BAG2: variants seen among roughly 807,000 people sequenced by gnomAD.
BAG2 encodes the protein BAG cochaperone 2, also known as BAG family molecular chaperone regulator 2.
Under a neutral mutation model 16.4 loss-of-function variants are expected in BAG2, and 8 were observed. That is an observed-to-expected ratio of 0.49 (90% CI 0.29 to 0.88). The LOEUF is 0.88. Among genes scored for constraint, BAG2 ranks in the 40% least tolerant of loss-of-function variants. The probability of loss-of-function intolerance (pLI) is 0.09; values close to 1 mark genes in which losing one functional copy is unlikely to be tolerated. For synonymous variants in BAG2, 82 were observed against 89.2 expected (o/e 0.92, Z 0.46); for missense variants, 218 against 248.9 (o/e 0.88, Z 0.84).
intron 1 of BAG2, among the ~76,000 whole-genome samples, chr6:57,176,022 T>C (rs954102250): frequency 1.3e-5 from 2 of 152,088 alleles, no homozygotes; most frequent in African/African-American, 4.8e-5. Context: ...TAGGGAGTGT[T>C]GGAACTGAGT....
chr6:57,184,475 AACGT>A lies in BAG2; in HGVS notation c.*286_*289del, dbSNP rs1200193697. 2 of 215,062 alleles carry A rather than the reference AACGT, an allele frequency of 9.3e-6. No homozygotes were observed. Among genetic ancestry groups the A allele is most frequent in the Non-Finnish European group, 1.8e-5 (2 of 109,692 alleles). 13.3% of individuals were successfully genotyped at this position (215,062 alleles called of 1,614,324 possible). A position where few individuals can be genotyped will look rare whatever the true frequency, so the allele number is the denominator to read the frequency against. ...GAATACATAGTTTGTGGGGAAAACA[AACGT>A]TCAGCTAGGGGCAAAAAGCATGACT... On this transcript the variant is annotated 3_prime_UTR_variant, in exon 3 of 3. Transcript: ENST00000370693.
At chr6:57,176,482 G>A (rs1307269989) in intron 1 of BAG2, among the ~76,000 whole-genome samples, 1 of 152,162 alleles carries the variant, frequency 6.6e-6, no homozygotes, top group East Asian at 1.9e-4. Flanking sequence ...GTTAGGTATT[G>A]GGTAGCTCCT....
chr6:57,174,026 C>T (rs1388718135), intron 1 of BAG2: 1 of 196,450 alleles, frequency 5.1e-6, no homozygotes, highest in East Asian at 1.3e-4. Flanking sequence ...AGCCCTACAC[C>T]AGGTTCTGGG....
Position 57,189,541 on chromosome 6 carries a change from G to C in BAG2, c.*5351G>C, listed in dbSNP as rs530900959. The C allele has an allele frequency of 1.3e-4, 20 of 152,400 alleles. No homozygotes were observed. In the East Asian group the frequency reaches 3.7e-3, roughly 28 times the overall value. 9.4% of individuals were successfully genotyped at this position (152,400 alleles called of 1,614,324 possible). On this transcript the variant is annotated 3_prime_UTR_variant, in exon 3 of 3. Transcript: ENST00000370693. ...CTTAAGGGGCTTTGGCTGACCTTATGAGAGCAGGAGCTCACCATGCTTATG... is the reference window on the plus strand; with the variant it reads ...CTTAAGGGGCTTTGGCTGACCTTATCAGAGCAGGAGCTCACCATGCTTATG...
rs771967001 is a variant in BAG2, at chr6:57,172,759, T to A, written c.62T>A (p.Met21Lys). The stretch of plus-strand genomic sequence containing the variant: ...GGGCGCTTCTGCCGCTCCTCCTCCA[T>A]GGCTGACCGCTCCAGCCGCCTGCTG... ...NEGRFCRSSS[M>K]ADRSSRLLES... Residue 21 changes from methionine to lysine, a missense_variant, in exon 1 of 3, where the codon ATG becomes AAG. Met to Lys is a moderately conservative substitution (Grantham distance 95). This residue lies in a region of BAG2 where 75 missense variants were observed against 63.1 expected (regional missense o/e 1.19). Coordinates refer to ENST00000370693, the MANE Select transcript of BAG2 (RefSeq NM_004282.4). 1 of 1,581,986 alleles carries A rather than the reference T, an allele frequency of 6.3e-7. No homozygotes were observed. The highest frequency in any genetic ancestry group is 1.2e-5 in the South Asian group (1 of 86,234).
chr6:57,180,292 G>GT (rs1764400984), intron 1 of BAG2, among the ~76,000 whole-genome samples: 1 of 152,078 alleles, frequency 6.6e-6, no homozygotes, highest in African/African-American at 2.4e-5. Flanking sequence ...AATTTCTCTT[G>GT]TTTTTTGAGA....
At position 57,189,202 on chromosome 6, in the gene BAG2, A is replaced by AAAT. The variant is rs1314371560; in HGVS notation, c.*5013_*5015dup. On this transcript the variant is annotated 3_prime_UTR_variant, in exon 3 of 3. Transcript: ENST00000370693. ...TACATATTAAATCATTTTGTAAAAG[A>AAAT]AATGATTCTGTATGTGGGACTGACA... The AAAT allele has an allele frequency of 6.6e-6, 1 of 151,486 alleles. No homozygotes were observed. The highest frequency in any genetic ancestry group is 2.5e-5 in the African/African-American group (1 of 40,764). The allele number at this position is 151,486 out of a possible 1,614,324, so 9.4% of individuals were successfully genotyped here. A position where few individuals can be genotyped will look rare whatever the true frequency, so the allele number is the denominator to read the frequency against.
chr6:57,182,259 A>G (rs1388134316), intron 2 of BAG2, 118 bp downstream of exon 2: 2 of 704,810 alleles, frequency 2.8e-6, no homozygotes, highest in African/African-American at 1.8e-5. Context: ...ACAGCATTTA[A>G]TGTGAGCCAC....
rs766755089 is a variant in BAG2, at chr6:57,182,083, C to T, written c.165C>T (p.Ile55=). 24 of 1,613,964 alleles carry T rather than the reference C, an allele frequency of 1.5e-5. No individual in the cohort carries two copies. In the Middle Eastern group the frequency reaches 4.9e-4, roughly 33 times the overall value. The part of the protein sequence containing the change: ...AATAVEQEKE[I]LLEMIHSIQN... The stretch of plus-strand genomic sequence containing the variant: ...CTGCTGTTGAGCAAGAGAAAGAAAT[C>T]CTTCTGGAAATGATCCACAGTATCC... The change falls in exon 2 of 3, where the codon ATC becomes ATT. Residue 55 remains isoleucine, a synonymous_variant. Coordinates refer to ENST00000370693, the MANE Select transcript of BAG2 (RefSeq NM_004282.4).
intron 1 of BAG2, chr6:57,173,946 T>C (rs1397772744): frequency 3.8e-5 from 6 of 159,228 alleles, no homozygotes; most frequent in African/African-American, 1.4e-4. Flanking sequence ...GGCATTATTA[T>C]TGTTACTATT....
In BAG2 at chr6:57,183,912, G is replaced by A; in HGVS notation, c.358G>A (p.Val120Met). ...LKHATRIIDEVVNKFLDDLGN... is the reference protein window; with the variant it reads ...LKHATRIIDEMVNKFLDDLGN... ...GCATGCCACAAGGATTATTGATGAG[G>A]TGGTCAATAAGTTTCTGGATGATTT... The change falls in exon 3 of 3, where the codon GTG becomes ATG. Residue 120 changes from valine (V) to methionine (M), a missense_variant. By Grantham distance (21) the Val-to-Met change is conservative. Coordinates refer to ENST00000370693, the MANE Select transcript of BAG2 (RefSeq NM_004282.4). The A allele has an allele frequency of 3.1e-6, 5 of 1,614,154 alleles. No homozygotes were observed. Among genetic ancestry groups the A allele is most frequent in the Non-Finnish European group, 4.2e-6 (5 of 1,180,028 alleles).
intron 1 of BAG2, among the ~76,000 whole-genome samples, chr6:57,176,815 T>C (rs1468287837): frequency 6.6e-6 from 1 of 152,166 alleles, no homozygotes; most frequent in Non-Finnish European, 1.5e-5. Flanking sequence ...ACACTTCATA[T>C]ATGTTATTTG....
chr6:57,179,833 A>G (rs1764387799), intron 1 of BAG2, among the ~76,000 whole-genome samples: 1 of 152,144 alleles, frequency 6.6e-6, no homozygotes, highest in Non-Finnish European at 1.5e-5. Context: ...GTGGGAAAGT[A>G]GTGCTTCTAT....
intron 2 of BAG2, among the ~76,000 whole-genome samples, chr6:57,183,012 T>C (rs1009639654): frequency 6.6e-6 from 1 of 152,178 alleles, no homozygotes; most frequent in African/African-American, 2.4e-5. Context: ...TTTTCTTTTA[T>C]TGGCACTGGA....
chr6:57,173,411 G>T, intron 1 of BAG2: 11 of 985,370 alleles, frequency 1.1e-5, no homozygotes, highest in Non-Finnish European at 1.3e-5. Context: ...TGCCGCTTCT[G>T]TTTCTCCCCT....
Position 57,187,144 on chromosome 6 carries a change from T to C in BAG2, c.*2954T>C, listed in dbSNP as rs1401650079. On this transcript the variant is annotated 3_prime_UTR_variant, in exon 3 of 3. Coordinates refer to ENST00000370693, the MANE Select transcript of BAG2 (RefSeq NM_004282.4). ...TCCATTCAAATTTACAAAAGCATTA[T>C]TTATTAGTAATAAAAATATAGAAGG... is the stretch of plus-strand genomic sequence containing the variant. 1 of 152,226 alleles carries C rather than the reference T, an allele frequency of 6.6e-6. No individual in the cohort carries two copies. The highest frequency in any genetic ancestry group is 1.5e-5 in the Non-Finnish European group (1 of 68,036). The allele number at this position is 152,226 out of a possible 1,614,324, so 9.4% of individuals were successfully genotyped here.
rs2127991521 is a variant in BAG2, at chr6:57,172,523, C to T, written c.-175C>T. On this transcript the variant is annotated 5_prime_UTR_variant, in exon 1 of 3. Coordinates refer to ENST00000370693, the MANE Select transcript of BAG2 (RefSeq NM_004282.4). Reference sequence around the variant, plus strand: ...CCCCGCGGGCGCCGCGCCTGCCCTTCTTTGGCTACGCTGCAGCCGCGGTGT... The same window carrying T: ...CCCCGCGGGCGCCGCGCCTGCCCTTTTTTGGCTACGCTGCAGCCGCGGTGT... 4.2e-6 allele frequency: 2 copies of T among 481,396 alleles called. No individual in the cohort carries two copies. The highest frequency in any genetic ancestry group is 4.5e-5 in the Admixed American group (1 of 21,988). The allele number at this position is 481,396 out of a possible 1,614,324, so 29.8% of individuals were successfully genotyped here. A position where few individuals can be genotyped will look rare whatever the true frequency, so the allele number is the denominator to read the frequency against.
chr6:57,177,272 C>T, intron 1 of BAG2, among the ~76,000 whole-genome samples: 1 of 152,048 alleles, frequency 6.6e-6, no homozygotes, highest in East Asian at 1.9e-4. Context: ...AAAAGTTAGC[C>T]AGACGTGGTG....
intron 1 of BAG2, 192 bp downstream of exon 1, chr6:57,173,002 CT>C (rs941985329): frequency 4.6e-6 from 3 of 659,254 alleles, no homozygotes; most frequent in African/African-American, 1.9e-5. Flanking sequence ...ATTATCTCCC[CT>C]AGTCCGAGAG....
Sources: allele counts gnomAD v4.1 joint callset (sites outside exome capture counted in the v4.1 genomes callset), GRCh38; gene constraint gnomAD v4.1.1; regional missense constraint gnomAD v4.1.1; transcripts MANE v1.5; gene names NCBI Gene and HGNC (gene_info 2026-07-23, HGNC 2026-07-21).